CPAP: variants seen among roughly 807,000 people sequenced by gnomAD.
CPAP encodes centrosome assembly and centriole elongation protein.
chr13:24,894,081 G>C, the CPAP span, among the ~76,000 whole-genome samples: 3 of 152,170 alleles, frequency 2.0e-5, no homozygotes, highest in Non-Finnish European at 4.4e-5. Context: ...GCCTGGCACA[G>C]TGCCAGCACT....
At chr13:24,890,523 T>A in the CPAP span, among the ~76,000 whole-genome samples, 1 of 152,210 alleles carries the variant, frequency 6.6e-6, no homozygotes. Context: ...CAGGCACTCT[T>A]GTCACACACA....
the CPAP span, chr13:24,913,128 A>G: frequency 4.0e-6 from 4 of 988,452 alleles, no homozygotes; most frequent in Non-Finnish European, 6.2e-6. Flanking sequence ...GTATTAGGTA[A>G]AGCCATTAGA....
the CPAP span, among the ~76,000 whole-genome samples, chr13:24,922,579 C>T: frequency 1.3e-5 from 2 of 152,252 alleles, no homozygotes; most frequent in South Asian, 4.1e-4. Flanking sequence ...TGAACGAAGC[C>T]ACTGAACTGC....
the CPAP span, among the ~76,000 whole-genome samples, chr13:24,896,584 C>T: frequency 0.1 from 15,160 of 152,296 alleles, 906 homozygotes; most frequent in Non-Finnish European, 0.14. Context: ...GAGGGAAAGG[C>T]ATCAAGTTGC....
At chr13:24,910,574 C>A in the CPAP span, among the ~76,000 whole-genome samples, 30 of 152,146 alleles carry the variant, frequency 2.0e-4, no homozygotes, top group African/African-American at 7.0e-4. Context: ...GCCCATATAA[C>A]AAAAGTTCTT....
chr13:24,915,428 A>G, the CPAP span, among the ~76,000 whole-genome samples: 1 of 152,240 alleles, frequency 6.6e-6, no homozygotes, highest in Admixed American at 6.5e-5. Context: ...TGTGAAGCAT[A>G]AATTTGGACA....
the CPAP span, among the ~76,000 whole-genome samples, chr13:24,891,683 T>C: frequency 3.3e-5 from 5 of 152,030 alleles, no homozygotes; most frequent in African/African-American, 7.2e-5. Context: ...TTCCACCTGT[T>C]CCCGGTCTAC....
the CPAP span, among the ~76,000 whole-genome samples, chr13:24,911,207 A>G: frequency 6.6e-6 from 1 of 152,216 alleles, no homozygotes; most frequent in East Asian, 1.9e-4. Flanking sequence ...ACCAATAAGG[A>G]CTGATGACAT....
chr13:24,933,214 A>G, the CPAP span: 2,994 of 1,116,960 alleles, frequency 2.7e-3, 59 homozygotes, highest in African/African-American at 0.042. Flanking sequence ...TTAGAAGAGG[A>G]AACAGAGATT....
the CPAP span, chr13:24,905,503 G>A: frequency 6.2e-7 from 1 of 1,614,098 alleles, no homozygotes; most frequent in Non-Finnish European, 8.5e-7. Flanking sequence ...CTCCCCTCTT[G>A]ACTGGTGCAA....
the CPAP span, among the ~76,000 whole-genome samples, chr13:24,897,489 T>C: frequency 2.0e-5 from 3 of 152,308 alleles, no homozygotes; most frequent in South Asian, 4.1e-4. Context: ...GGGAGAATGA[T>C]TGTGAGAGGT....
the CPAP span, among the ~76,000 whole-genome samples, chr13:24,924,181 G>A: frequency 3.9e-5 from 6 of 152,050 alleles, no homozygotes; most frequent in South Asian, 1.2e-3. Flanking sequence ...TAAAGCCCGA[G>A]ACTTCCGAGA....
the CPAP span, among the ~76,000 whole-genome samples, chr13:24,907,772 T>C: frequency 1.6e-4 from 25 of 152,326 alleles, no homozygotes; most frequent in South Asian, 3.7e-3. Flanking sequence ...TGAGAGAAAA[T>C]TGATTTTATC....
the CPAP span, among the ~76,000 whole-genome samples, chr13:24,933,814 T>G: frequency 1.3e-5 from 2 of 151,984 alleles, no homozygotes; most frequent in Non-Finnish European, 2.9e-5. Context: ...AACTTCCGCC[T>G]CCTGAGTTCA....
chr13:24,888,458 C>T, the CPAP span, among the ~76,000 whole-genome samples: 3 of 152,174 alleles, frequency 2.0e-5, no homozygotes, highest in African/African-American at 7.2e-5. Flanking sequence ...TGTAAGAAAA[C>T]ATGCTCACAG....
the CPAP span, chr13:24,907,942 CAAAG>C: frequency 1.8e-6 from 2 of 1,098,810 alleles, no homozygotes; most frequent in African/African-American, 1.5e-5. Context: ...ATCTTTCAAA[CAAAG>C]AAAGTGTTCA....
the CPAP span, among the ~76,000 whole-genome samples, chr13:24,918,739 G>A: frequency 6.6e-6 from 1 of 152,156 alleles, no homozygotes; most frequent in South Asian, 2.1e-4. Context: ...CCTTTATGAT[G>A]ATCCACTTCC....
the CPAP span, among the ~76,000 whole-genome samples, chr13:24,932,020 T>C: frequency 1.3e-5 from 2 of 152,230 alleles, no homozygotes; most frequent in African/African-American, 4.8e-5. Context: ...GACCCAATTC[T>C]GGGCGCCTTC....
chr13:24,906,006 C>A, the CPAP span: 1 of 1,614,006 alleles, frequency 6.2e-7, no homozygotes, highest in African/African-American at 1.3e-5. Flanking sequence ...CTCTTTTGGA[C>A]GGCTTTCCTG....
Sources: gnomAD v4.1 joint callset for allele counts (sites outside exome capture counted in the v4.1 genomes callset) on GRCh38, gnomAD v4.1.1 for gene constraint, MANE v1.5 for transcripts, NCBI Gene and HGNC (gene_info 2026-07-23, HGNC 2026-07-21) for gene names.